The following CNTNAP2 variants were observed in gnomAD, a reference collection of about 807,000 sequenced individuals.
CNTNAP2 encodes the protein contactin associated protein 2, also known as contactin-associated protein-like 2.
A neutral mutation model predicts 155.2 loss-of-function variants in CNTNAP2; 98 were observed. The ratio of observed to expected loss-of-function variants is 0.63; its 90% CI spans 0.54 to 0.75. The LOEUF (loss-of-function observed/expected upper bound fraction) is 0.75, where lower values mean the gene tolerates loss of function less well. CNTNAP2 is among the 30% of genes least tolerant of loss of function. The pLI, the probability that CNTNAP2 is intolerant of heterozygous loss-of-function variation, is 0.00. For synonymous variants in CNTNAP2, 651 were observed against 631.2 expected (o/e 1.03, Z -0.47); for missense variants, 1,727 against 1,688.1 (o/e 1.02, Z -0.40).
chr7:146,242,789 C>T (rs1258099172), intron 1 of CNTNAP2, among the ~76,000 whole-genome samples: 2 of 152,152 alleles, frequency 1.3e-5, no homozygotes, highest in African/African-American at 4.8e-5. Context: ...CATAAAATAA[C>T]ACTACATATC....
intron 1 of CNTNAP2, among the ~76,000 whole-genome samples, chr7:146,192,554 C>T (rs569708359): frequency 2.0e-5 from 3 of 152,226 alleles, no homozygotes; most frequent in South Asian, 2.1e-4. Flanking sequence ...CTAACACCAT[C>T]GTATCTCATG....
intron 13 of CNTNAP2, among the ~76,000 whole-genome samples, chr7:147,734,522 T>C (rs867685805): frequency 2.4e-4 from 36 of 152,342 alleles, no homozygotes; most frequent in Middle Eastern, 3.4e-3. Flanking sequence ...AGGATGATGC[T>C]GGCCTCATAA....
intron 13 of CNTNAP2, among the ~76,000 whole-genome samples, chr7:147,751,425 A>G (rs925787415): frequency 6.6e-6 from 1 of 150,614 alleles, no homozygotes; most frequent in South Asian, 2.1e-4. Flanking sequence ...TTAGTCTTTA[A>G]AATTATAGAG....
At chr7:146,966,211 C>T (rs1348047222) in intron 3 of CNTNAP2, among the ~76,000 whole-genome samples, 2 of 152,206 alleles carry the variant, frequency 1.3e-5, no homozygotes, top group African/African-American at 4.8e-5. Flanking sequence ...GTAACATGCA[C>T]AGAGATGAAC....
chr7:147,441,813 T>TTCTCTCTCTC (rs568227936), intron 10 of CNTNAP2, among the ~76,000 whole-genome samples: 6,081 of 102,084 alleles, frequency 0.06, 419 homozygotes, highest in East Asian at 0.11. Flanking sequence ...TGTAGTCTCT[T>TTCTCTCTCTC]TCTCTCTCTC....
chr7:146,385,313 T>A (rs1795445161), intron 1 of CNTNAP2, among the ~76,000 whole-genome samples: 1 of 152,176 alleles, frequency 6.6e-6, no homozygotes, highest in South Asian at 2.1e-4. Context: ...TATTCCCACC[T>A]GTACAGAGCC....
chr7:146,784,705 C>T lies in CNTNAP2; in HGVS notation c.208+10324C>T, dbSNP rs1182026668. Among the ~76,000 whole-genome samples the T allele has an allele frequency of 3.9e-5, 6 of 152,216 alleles. No homozygotes were observed. In the East Asian group the frequency reaches 1.2e-3, roughly 30 times the overall value. On this transcript the variant is annotated intron_variant, in intron 2 of 23. Transcript: ENST00000361727. ...GAGTGGACACTCTCTAGGACCCTGT[C>T]GTCACTGAACGCCCGTTGTGTAGCC... is the stretch of plus-strand genomic sequence containing the variant.
chr7:147,546,885 T>G (rs1162887327), intron 11 of CNTNAP2, among the ~76,000 whole-genome samples: 1 of 152,154 alleles, frequency 6.6e-6, no homozygotes. Context: ...TTTTGGCATA[T>G]GCATGCATGA....
chr7:146,523,532 A>G (rs1797645640), intron 1 of CNTNAP2, among the ~76,000 whole-genome samples: 1 of 152,028 alleles, frequency 6.6e-6, no homozygotes, highest in South Asian at 2.1e-4. Flanking sequence ...AACCTCCTTA[A>G]TCTATTTTTT....
At chr7:146,361,747 T>C (rs1368201362) in intron 1 of CNTNAP2, among the ~76,000 whole-genome samples, 1 of 152,184 alleles carries the variant, frequency 6.6e-6, no homozygotes, top group African/African-American at 2.4e-5. Context: ...CTGAGGTGTG[T>C]CATACAATAG....
intron 3 of CNTNAP2, among the ~76,000 whole-genome samples, chr7:146,992,069 C>T (rs1015194433): frequency 6.6e-6 from 1 of 152,084 alleles, no homozygotes; most frequent in African/African-American, 2.4e-5. Context: ...ACACATCTCC[C>T]TTGGAGGGTT....
chr7:147,075,712 A>G (rs1285127301), intron 4 of CNTNAP2, among the ~76,000 whole-genome samples: 1 of 152,000 alleles, frequency 6.6e-6, no homozygotes, highest in Admixed American at 6.6e-5. Context: ...TACATGTGCC[A>G]TGTTGGTGTG....
At chr7:146,223,618 C>T (rs1051914015) in intron 1 of CNTNAP2, among the ~76,000 whole-genome samples, 6 of 152,166 alleles carry the variant, frequency 3.9e-5, no homozygotes, top group Non-Finnish European at 8.8e-5. Context: ...GCAATCTTGA[C>T]TCTAGACAAA....
chr7:147,940,789 C>A (rs1418063667), intron 14 of CNTNAP2, among the ~76,000 whole-genome samples: 1 of 152,120 alleles, frequency 6.6e-6, no homozygotes. Context: ...CCTCCCACCT[C>A]GGGCACCAAA....
intron 13 of CNTNAP2, among the ~76,000 whole-genome samples, chr7:147,680,877 A>G (rs1369230412): frequency 6.6e-6 from 1 of 151,844 alleles, no homozygotes; most frequent in Non-Finnish European, 1.5e-5. Flanking sequence ...CATATTAGAC[A>G]TATTCTTATA....
chr7:146,308,938 G>A (rs1339226756), intron 1 of CNTNAP2, among the ~76,000 whole-genome samples: 1 of 151,944 alleles, frequency 6.6e-6, no homozygotes, highest in African/African-American at 2.4e-5. Flanking sequence ...TAACAAACCT[G>A]CATGTTGTGC....
chr7:146,380,948 G>A (rs1473786253), intron 1 of CNTNAP2, among the ~76,000 whole-genome samples: 2 of 150,454 alleles, frequency 1.3e-5, no homozygotes, highest in Admixed American at 6.6e-5. Context: ...ACAGGCGCCC[G>A]CCACCTCGCC....
intron 1 of CNTNAP2, among the ~76,000 whole-genome samples, chr7:146,565,977 C>T (rs1341481858): frequency 2.0e-5 from 3 of 152,196 alleles, no homozygotes; most frequent in African/African-American, 7.2e-5. Context: ...TCACTGAATC[C>T]TCCAAATTAG....
intron 3 of CNTNAP2, among the ~76,000 whole-genome samples, chr7:146,855,764 A>G (rs958928851): frequency 6.8e-6 from 1 of 148,038 alleles, no homozygotes; most frequent in African/African-American, 2.5e-5. Context: ...ATGAGAGAAG[A>G]CAAGAATGAA....
Sources: gnomAD v4.1 joint callset for allele counts (sites outside exome capture counted in the v4.1 genomes callset) on GRCh38, gnomAD v4.1.1 for gene constraint, MANE v1.5 for transcripts, NCBI Gene and HGNC (gene_info 2026-07-23, HGNC 2026-07-21) for gene names.